R3HCC1L: variants seen among roughly 807,000 people sequenced by gnomAD.
R3HCC1L encodes the protein R3H domain and coiled-coil containing 1 like.
In R3HCC1L, 51 loss-of-function variants were observed where a neutral mutation model predicts 59.9. The ratio of observed to expected loss-of-function variants is 0.85; its 90% CI spans 0.68 to 1.07. The LOEUF is 1.07. Ranked by LOEUF, R3HCC1L falls within the 50% of genes least tolerant of loss-of-function variation. The pLI, the probability that R3HCC1L is intolerant of heterozygous loss-of-function variation, is 0.00. For missense variants in R3HCC1L, 965 were observed against 933.0 expected (o/e 1.03, Z -0.45); for synonymous variants, 322 against 315.2 (o/e 1.02, Z -0.23).
chr10:98,176,993 C>T (rs369095973), intron 4 of R3HCC1L, among the ~76,000 whole-genome samples: 4 of 151,448 alleles, frequency 2.6e-5, no homozygotes, highest in African/African-American at 4.9e-5. Context: ...TTTGTTATGG[C>T]GAATTACATT....
At chr10:98,136,948 C>T (rs559386811) in intron 1 of R3HCC1L, among the ~76,000 whole-genome samples, 118 of 152,340 alleles carry the variant, frequency 7.7e-4, no homozygotes, top group African/African-American at 2.5e-3. Context: ...CGGTGGCGCA[C>T]GTCTGTAATC....
intron 1 of R3HCC1L, among the ~76,000 whole-genome samples, chr10:98,151,202 C>A (rs777880030): frequency 6.6e-6 from 1 of 152,126 alleles, no homozygotes; most frequent in Admixed American, 6.5e-5. Flanking sequence ...CTTGCTTCTA[C>A]GCTGCCATTT....
At chr10:98,240,392 A>G (rs952338101) in intron 9 of R3HCC1L, among the ~76,000 whole-genome samples, 2 of 152,204 alleles carry the variant, frequency 1.3e-5, no homozygotes, top group African/African-American at 4.8e-5. Flanking sequence ...TTTGATTCCC[A>G]CCTAAAACTG....
chr10:98,152,031 T>G (rs990009584), intron 1 of R3HCC1L, among the ~76,000 whole-genome samples: 1 of 152,166 alleles, frequency 6.6e-6, no homozygotes, highest in Non-Finnish European at 1.5e-5. Flanking sequence ...TGCTGCCATC[T>G]CGGCTCACTG....
chr10:98,240,974 A>G (rs1202366583), intron 9 of R3HCC1L, among the ~76,000 whole-genome samples: 7 of 152,176 alleles, frequency 4.6e-5, no homozygotes, highest in African/African-American at 1.7e-4. Flanking sequence ...TAAATAGTAC[A>G]TGGTTCCTTG....
At chr10:98,201,333 C>T (rs1003748708) in intron 4 of R3HCC1L, among the ~76,000 whole-genome samples, 1 of 152,122 alleles carries the variant, frequency 6.6e-6, no homozygotes, top group Non-Finnish European at 1.5e-5. Context: ...CTTTCTGTTG[C>T]ATAGTTTTTT....
At chr10:98,155,619 T>C (rs758710431) in intron 1 of R3HCC1L, among the ~76,000 whole-genome samples, 2 of 152,092 alleles carry the variant, frequency 1.3e-5, no homozygotes, top group South Asian at 4.1e-4. Context: ...AAAAGTCCAA[T>C]AGTGGAAAAA....
At chr10:98,155,469 G>C (rs1403733824) in intron 1 of R3HCC1L, among the ~76,000 whole-genome samples, 1 of 151,994 alleles carries the variant, frequency 6.6e-6, no homozygotes, top group Non-Finnish European at 1.5e-5. Flanking sequence ...AGGATGTTCT[G>C]TCCCTTTCGG....
At chr10:98,206,929 A>G (rs1314275341) in intron 4 of R3HCC1L, among the ~76,000 whole-genome samples, 2 of 152,240 alleles carry the variant, frequency 1.3e-5, no homozygotes, top group African/African-American at 2.4e-5. Context: ...AAGGAACAAG[A>G]TAATCACTGG....
chr10:98,211,413 T>G, intron 5 of R3HCC1L: 5 of 1,484,022 alleles, frequency 3.4e-6, no homozygotes, highest in Non-Finnish European at 4.5e-6. Flanking sequence ...AGCCCATAAT[T>G]AGAAAAATAC....
At chr10:98,193,065 CA>C (rs1220089323) in intron 4 of R3HCC1L, among the ~76,000 whole-genome samples, 1 of 150,892 alleles carries the variant, frequency 6.6e-6, no homozygotes, top group African/African-American at 2.4e-5. Flanking sequence ...AAAGTACTGA[CA>C]AAACATAATA....
intron 4 of R3HCC1L, among the ~76,000 whole-genome samples, chr10:98,178,184 T>G (rs1475449693): frequency 6.6e-6 from 1 of 152,206 alleles, no homozygotes; most frequent in Non-Finnish European, 1.5e-5. Flanking sequence ...TTTCTAGGGT[T>G]TTTATGGTTT....
chr10:98,154,840 A>G (rs754960682), intron 1 of R3HCC1L, among the ~76,000 whole-genome samples: 10 of 152,250 alleles, frequency 6.6e-5, no homozygotes, highest in Admixed American at 2.0e-4. Context: ...GTCAAATTGC[A>G]TCAACAGGAT....
chr10:98,191,506 T>C (rs1007798582), intron 4 of R3HCC1L, among the ~76,000 whole-genome samples: 3 of 152,220 alleles, frequency 2.0e-5, no homozygotes, highest in Non-Finnish European at 4.4e-5. Context: ...GGCTGTTTGT[T>C]TTTTTCTTGT....
At chr10:98,206,350 A>T (rs555147851) in intron 4 of R3HCC1L, among the ~76,000 whole-genome samples, 1 of 151,790 alleles carries the variant, frequency 6.6e-6, no homozygotes, top group East Asian at 1.9e-4. Flanking sequence ...AAAACCTCCA[A>T]AAGAGATCCT....
intron 5 of R3HCC1L, among the ~76,000 whole-genome samples, chr10:98,230,338 ATTTC>A (rs1856222659): frequency 6.6e-6 from 1 of 152,010 alleles, no homozygotes; most frequent in African/African-American, 2.4e-5. Flanking sequence ...GAATTTATCC[ATTTC>A]TTCTAGATTT....
intron 1 of R3HCC1L, among the ~76,000 whole-genome samples, chr10:98,153,626 A>G (rs1215937543): frequency 2.0e-5 from 3 of 151,414 alleles, no homozygotes; most frequent in Non-Finnish European, 4.4e-5. Flanking sequence ...AAAAAAAAAA[A>G]AAAAAGAAGT....
At chr10:98,213,553 C>A (rs950129608) in intron 5 of R3HCC1L, among the ~76,000 whole-genome samples, 5 of 152,106 alleles carry the variant, frequency 3.3e-5, no homozygotes, top group African/African-American at 1.2e-4. Context: ...ATTAGATCCC[C>A]CAATGCTAGA....
intron 4 of R3HCC1L, among the ~76,000 whole-genome samples, chr10:98,205,157 A>G (rs1181769106): frequency 6.6e-6 from 1 of 152,248 alleles, no homozygotes; most frequent in Non-Finnish European, 1.5e-5. Context: ...AAATACTTCA[A>G]ACTCATCACT....
Sources: allele counts gnomAD v4.1 joint callset (sites outside exome capture counted in the v4.1 genomes callset), GRCh38; gene constraint gnomAD v4.1.1; transcripts MANE v1.5; gene names NCBI Gene and HGNC (gene_info 2026-07-23, HGNC 2026-07-21).